Variants in CLVS1 observed in about 807,000 individuals in gnomAD.
CLVS1 encodes the protein clavesin 1.
Under a neutral mutation model 33.1 loss-of-function variants are expected in CLVS1, and 10 were observed. The observed-to-expected ratio is 0.30, with a 90% CI of 0.19 to 0.51. The LOEUF (loss-of-function observed/expected upper bound fraction) is 0.51, where lower values mean the gene tolerates loss of function less well. CLVS1 is among the 20% of genes least tolerant of loss of function. CLVS1 has a pLI of 0.97. For missense variants in CLVS1, 343 were observed against 433.4 expected (o/e 0.79, Z 1.85); for synonymous variants, 163 against 166.1 (o/e 0.98, Z 0.14).
intron 1 of CLVS1, among the ~76,000 whole-genome samples, chr8:61,057,463 C>G (rs1183875486): frequency 6.6e-6 from 1 of 151,968 alleles, no homozygotes; most frequent in Non-Finnish European, 1.5e-5. Flanking sequence ...TTTGTACTCT[C>G]TGTTTCTTAG....
At chr8:61,424,402 A>G (rs1489588086) in intron 3 of CLVS1, among the ~76,000 whole-genome samples, 5 of 152,226 alleles carry the variant, frequency 3.3e-5, no homozygotes, top group Non-Finnish European at 7.3e-5. Flanking sequence ...GCAAAGAACC[A>G]TAAACACAAA....
chr8:61,029,691 T>A, the CLVS1 span, among the ~76,000 whole-genome samples: 1 of 152,190 alleles, frequency 6.6e-6, no homozygotes, highest in African/African-American at 2.4e-5. Flanking sequence ...GGTGGTTTGC[T>A]GCACCCATCA....
the CLVS1 span, among the ~76,000 whole-genome samples, chr8:61,027,250 G>C: frequency 6.6e-6 from 1 of 152,084 alleles, no homozygotes; most frequent in South Asian, 2.1e-4. Flanking sequence ...CCTGATAAAA[G>C]CCAACAAGAA....
chr8:60,979,995 T>C, the CLVS1 span, among the ~76,000 whole-genome samples: 1 of 152,344 alleles, frequency 6.6e-6, no homozygotes, highest in South Asian at 2.1e-4. Context: ...CCTTTTTCAC[T>C]TCTGGTCAAC....
At chr8:61,155,179 G>C (rs1445766524) in intron 2 of CLVS1, among the ~76,000 whole-genome samples, 1 of 152,146 alleles carries the variant, frequency 6.6e-6, no homozygotes, top group African/African-American at 2.4e-5. Flanking sequence ...TGAGTGTGTT[G>C]GGTGTCATAT....
chr8:61,225,204 G>C (rs1808301017), intron 2 of CLVS1, among the ~76,000 whole-genome samples: 1 of 152,046 alleles, frequency 6.6e-6, no homozygotes, highest in Non-Finnish European at 1.5e-5. Flanking sequence ...TGTAGTCCCA[G>C]CTACTTGGGA....
At chr8:61,062,790 A>G (rs1804604388) in intron 1 of CLVS1, among the ~76,000 whole-genome samples, 1 of 152,172 alleles carries the variant, frequency 6.6e-6, no homozygotes, top group African/African-American at 2.4e-5. Flanking sequence ...GTCTTTCTAA[A>G]TAAATGTCTG....
At chr8:61,293,273 A>G (rs1810062177) in intron 1 of CLVS1, among the ~76,000 whole-genome samples, 1 of 152,148 alleles carries the variant, frequency 6.6e-6, no homozygotes, top group Non-Finnish European at 1.5e-5. Context: ...CCTAGTACAG[A>G]TAGTTTATAT....
intron 5 of CLVS1, among the ~76,000 whole-genome samples, chr8:61,494,239 A>G (rs533489218): frequency 6.6e-6 from 1 of 152,204 alleles, no homozygotes; most frequent in Non-Finnish European, 1.5e-5. Flanking sequence ...GAAAGTTCCA[A>G]TTTTGGGGAA....
intron 5 of CLVS1, among the ~76,000 whole-genome samples, chr8:61,488,065 A>G (rs1326331447): frequency 3.3e-5 from 5 of 152,190 alleles, no homozygotes; most frequent in Admixed American, 2.6e-4. Flanking sequence ...GACTGTTCAA[A>G]GCGGGTGGTG....
In CLVS1 at chr8:61,473,445, A is replaced by G. The variant is rs543845916; in HGVS notation, c.977+14903A>G. On this transcript the variant is annotated intron_variant, in intron 5 of 5. Coordinates refer to ENST00000325897, the MANE Select transcript of CLVS1 (RefSeq NM_173519.3). Reference sequence around the variant, plus strand: ...AGGGGCCCACCGTGCAGAGCTGCATAGGGCAGATATGAATATCGGACTTTG... The same window carrying G: ...AGGGGCCCACCGTGCAGAGCTGCATGGGGCAGATATGAATATCGGACTTTG... Among the ~76,000 whole-genome samples the G allele has an allele frequency of 3.9e-5, 6 of 152,066 alleles. No individual in the cohort carries two copies. In the East Asian group the frequency reaches 1.2e-3, roughly 29 times the overall value.
intron 2 of CLVS1, among the ~76,000 whole-genome samples, chr8:61,166,887 TTTC>T (rs1806877604): frequency 6.6e-6 from 1 of 150,652 alleles, no homozygotes; most frequent in South Asian, 2.1e-4. Context: ...TTTTCTTTTT[TTTC>T]TTTTTTCTTT....
intron 2 of CLVS1, among the ~76,000 whole-genome samples, chr8:61,161,744 A>G (rs945724187): frequency 6.6e-6 from 1 of 152,242 alleles, no homozygotes; most frequent in African/African-American, 2.4e-5. Flanking sequence ...ACTGTTGTCA[A>G]TAGTACCATA....
At position 61,195,183 on chromosome 8, in the gene CLVS1, A is replaced by G. The variant is rs370424868; in HGVS notation, c.-152+63323A>G. Reference sequence around the variant, plus strand: ...AGTAAGTAGTGGAGCAAATAACAAGAGCAAAAATTAATAAAATATAAAACA... The same window carrying G: ...AGTAAGTAGTGGAGCAAATAACAAGGGCAAAAATTAATAAAATATAAAACA... On this transcript the variant is annotated intron_variant, in intron 2 of 2. Coordinates refer to the CLVS1 transcript ENST00000522621. Among the ~76,000 whole-genome samples the G allele has an allele frequency of 2.7e-4, 41 of 152,076 alleles. 1 individual carries two copies. The South Asian group carries it at 7.9e-3, about 29-fold the overall frequency.
chr8:61,195,924 C>A (rs1160792033), intron 2 of CLVS1, among the ~76,000 whole-genome samples: 1 of 152,102 alleles, frequency 6.6e-6, no homozygotes, highest in East Asian at 1.9e-4. Flanking sequence ...TGTGTACAAT[C>A]ATTTCTATAG....
intron 2 of CLVS1, among the ~76,000 whole-genome samples, chr8:61,236,351 T>A (rs966388767): frequency 2.6e-5 from 4 of 152,196 alleles, no homozygotes; most frequent in African/African-American, 9.7e-5. Context: ...GATGAACGTG[T>A]TCAGCTCGTA....
chr8:61,368,462 G>A (rs1229384919), intron 2 of CLVS1, among the ~76,000 whole-genome samples: 8 of 152,068 alleles, frequency 5.3e-5, no homozygotes, highest in Admixed American at 5.2e-4. Flanking sequence ...TCAAAGTCAG[G>A]GCCTTGTTCT....
At chr8:61,494,685 C>T (rs1804207895) in intron 5 of CLVS1, among the ~76,000 whole-genome samples, 1 of 152,158 alleles carries the variant, frequency 6.6e-6, no homozygotes, top group Non-Finnish European at 1.5e-5. Context: ...TTGGTCTTCC[C>T]TGAGAGCATT....
chr8:61,481,557 G>A (rs1586038678), intron 5 of CLVS1, among the ~76,000 whole-genome samples: 1 of 152,164 alleles, frequency 6.6e-6, no homozygotes, highest in African/African-American at 2.4e-5. Context: ...TATATTCCAT[G>A]CCTGGCTTGG....
Sources: gnomAD v4.1 joint callset for allele counts (sites outside exome capture counted in the v4.1 genomes callset) on GRCh38, gnomAD v4.1.1 for gene constraint, MANE v1.5 for transcripts, NCBI Gene and HGNC (gene_info 2026-07-23, HGNC 2026-07-21) for gene names.